MYCBPAP: variants seen among roughly 807,000 people sequenced by gnomAD.
MYCBPAP encodes MYCBP associated protein, also known as MYCBP-associated protein.
A neutral mutation model predicts 106.1 loss-of-function variants in MYCBPAP; 60 were observed. The ratio of observed to expected loss-of-function variants is 0.57; its 90% CI spans 0.46 to 0.70. The LOEUF is 0.70. MYCBPAP is among the 30% of genes least tolerant of loss of function. MYCBPAP has a pLI of 0.00. For synonymous variants in MYCBPAP, 407 were observed against 440.6 expected (o/e 0.92, Z 0.95); for missense variants, 1,064 against 1,169.3 (o/e 0.91, Z 1.31).
At chr17:50,529,851 T>C (rs2034578455) in intron 18 of MYCBPAP, 1 of 456,272 alleles carries the variant, frequency 2.2e-6, no homozygotes, top group Non-Finnish European at 4.4e-6. Flanking sequence ...CTAGAGAGAC[T>C]TCATCCTAAT....
rs1413351331 is a variant in MYCBPAP at position 50,518,671 on chromosome 17, A to G, written c.599A>G (p.Lys200Arg). The part of the protein sequence containing the change: ...WAPPPQHNFL[K>R]NWQRNTALRK... Reference sequence around the variant, plus strand: ...CCACCTCCTCAGCACAACTTTCTGAAAAACTGGCAGCGTAACACAGCCCTG... The same window carrying G: ...CCACCTCCTCAGCACAACTTTCTGAGAAACTGGCAGCGTAACACAGCCCTG... The change falls in exon 5 of 19, where the codon AAA (lysine) becomes AGA (arginine). Residue 200 changes from lysine to arginine, a missense_variant. By Grantham distance (26) the Lys-to-Arg change is conservative. Coordinates refer to ENST00000323776, the MANE Select transcript of MYCBPAP (RefSeq NM_032133.6). 1 of 1,606,920 alleles carries G rather than the reference A, an allele frequency of 6.2e-7. No homozygotes were observed. Among genetic ancestry groups the G allele is most frequent in the South Asian group, 1.1e-5 (1 of 90,186 alleles).
At chr17:50,508,956 G>T in intron 1 of MYCBPAP, 1 of 706,648 alleles carries the variant, frequency 1.4e-6, no homozygotes, top group Non-Finnish European at 2.6e-6. Flanking sequence ...TGGGGATGGG[G>T]ACATAGGAAG....
intron 1 of MYCBPAP, among the ~76,000 whole-genome samples, chr17:50,514,034 T>A (rs559722816): frequency 6.6e-6 from 1 of 152,358 alleles, no homozygotes; most frequent in East Asian, 1.9e-4. Context: ...ATAGGCTGAA[T>A]TTATTATTTT....
At position 50,519,172 on chromosome 17, in the gene MYCBPAP, C is replaced by T. The variant is rs190055038; in HGVS notation, c.768+83C>T. 839 of 1,008,506 alleles carry T rather than the reference C, an allele frequency of 8.3e-4. 6 individuals carry two copies. Among genetic ancestry groups the T allele is most frequent in the Non-Finnish European group, 1.9e-4 (126 of 672,960 alleles). 62.5% of individuals were successfully genotyped at this position (1,008,506 alleles called of 1,614,324 possible). On this transcript the variant is annotated intron_variant, in intron 6 of 18. Coordinates refer to ENST00000323776, the MANE Select transcript of MYCBPAP (RefSeq NM_032133.6). ...GGGCAGGTGTCTGGACACAGGGATGCTGGTCTCAGGTGGCACAGCTGGGGA... is the reference window on the plus strand; with the variant it reads ...GGGCAGGTGTCTGGACACAGGGATGTTGGTCTCAGGTGGCACAGCTGGGGA...
chr17:50,531,478 T>G lies in MYCBPAP; in HGVS notation c.*50T>G. The G allele has an allele frequency of 1.4e-6, 2 of 1,403,820 alleles. No individual in the cohort carries two copies. Among genetic ancestry groups the G allele is most frequent in the Non-Finnish European group, 2.0e-6 (2 of 1,019,622 alleles). The allele number at this position is 1,403,820 out of a possible 1,614,324, so 87.0% of individuals were successfully genotyped here. On this transcript the variant is annotated 3_prime_UTR_variant, in exon 19 of 19. Coordinates refer to ENST00000323776, the MANE Select transcript of MYCBPAP (RefSeq NM_032133.6). ...GAAAACGGGTTAATAAATAAATCAA[T>G]AAAGAACCTTCAAGTTTCTACTACT...
chr17:50,509,353 C>T (rs1400980337), intron 1 of MYCBPAP: 6 of 555,794 alleles, frequency 1.1e-5, no homozygotes, highest in Non-Finnish European at 1.9e-5. Context: ...TGGAAAGAAT[C>T]GCTAGATATG....
intron 6 of MYCBPAP, 32 bp from the exon 7 acceptor site, chr17:50,519,608 G>T (rs1282134399): frequency 1.9e-6 from 3 of 1,612,824 alleles, no homozygotes; most frequent in Non-Finnish European, 2.5e-6. Context: ...GAGGTGTCCT[G>T]GTAATCTGAC....
rs999890710 is a variant in MYCBPAP at position 50,528,178 on chromosome 17, T to C, written c.2315T>C (p.Ile772Thr). The C allele has an allele frequency of 2.5e-6, 4 of 1,614,194 alleles. No individual in the cohort carries two copies. The African/African-American group carries it at 4.0e-5, about 16-fold the overall frequency. Residue 772 changes from isoleucine (I) to threonine (T), a missense_variant, in exon 16 of 19, where the codon ATT becomes ACT. Ile to Thr is a moderately conservative substitution (Grantham distance 89). Transcript: ENST00000323776. ...AGTTTGCAGCTGTGGCGAGATGTGA[T>C]TGACAGCCTGGTGGGCCATTCCATG... ...QMCLQLWRDV[I>T]DSLVGHSMWL...
At chr17:50,516,732 A>G (rs1036903255) in intron 2 of MYCBPAP, 35 bp downstream of exon 2, 1 of 1,611,764 alleles carries the variant, frequency 6.2e-7, no homozygotes, top group Non-Finnish European at 8.5e-7. Context: ...TTACCATAGA[A>G]ACGTTTCCCT....
rs759967356 is a variant in MYCBPAP, at chr17:50,523,772, G to A, written c.1623G>A (p.Arg541=). 5.0e-6 allele frequency: 8 copies of A among 1,613,918 alleles called. 1 individual carries two copies. In the South Asian group the frequency reaches 5.5e-5, roughly 11 times the overall value. The change falls in exon 12 of 19, where the codon AGG becomes AGA. Residue 541 remains arginine, a synonymous_variant. Transcript: ENST00000323776. Reference sequence around the variant, plus strand: ...CCCAGGACGTTTTTGAGGATGAGAGGAAAGTACTGGAGGTAAGGGACCCAG... The same window carrying A: ...CCCAGGACGTTTTTGAGGATGAGAGAAAAGTACTGGAGGTAAGGGACCCAG... ...SLTQDVFEDE[R]KVLESKLTAH...
At chr17:50,522,709 A>AAAAAAAAAAAAAATATGTATATAT in intron 10 of MYCBPAP, 1 of 50,016 alleles carries the variant, frequency 2.0e-5, no homozygotes, top group South Asian at 7.8e-4. Flanking sequence ...AAAAAAAAAA[A>AAAAAAAAAAAAAATATGTATATAT]ATATATATAT....
Position 50,528,715 on chromosome 17 carries a change from A to G in MYCBPAP, c.2428A>G (p.Met810Val). Residue 810 changes from methionine to valine, a missense_variant, in exon 17 of 19, where the codon ATG (methionine) becomes GTG (valine). Transcript: ENST00000323776. ...CTTAGATCAAAAATCACCTCCTATC[A>G]TGGAAGTGAAGGTACCTGTGGGGAA... ...EEQDQKSPPIMEVKVPVGKAG... is the reference protein window; with the variant it reads ...EEQDQKSPPIVEVKVPVGKAG... The G allele has an allele frequency of 1.9e-6, 3 of 1,613,684 alleles. No individual in the cohort carries two copies. Among genetic ancestry groups the G allele is most frequent in the Non-Finnish European group, 2.5e-6 (3 of 1,179,866 alleles).
chr17:50,519,161 A>G, intron 6 of MYCBPAP, 72 bp downstream of exon 6: 2 of 1,096,276 alleles, frequency 1.8e-6, no homozygotes, highest in East Asian at 2.5e-5. Context: ...AGGTGTCTGG[A>G]CACAGGGATG....
In MYCBPAP at chr17:50,526,230, T is replaced by A. The variant is rs147274903; in HGVS notation, c.2132T>A (p.Leu711Gln). The change falls in exon 14 of 19, where the codon CTG becomes CAG. Residue 711 changes from leucine to glutamine, a missense_variant. Coordinates refer to ENST00000323776, the MANE Select transcript of MYCBPAP (RefSeq NM_032133.6). ...KSPWEPDGLP[L>Q]LEWNLCLEDF... ...CCCTGGGAGCCGGATGGCCTTCCCC[T>A]GCTGGAGTGGAACCTCTGCTTGGAG... 6 of 1,612,042 alleles carry A rather than the reference T, an allele frequency of 3.7e-6. No homozygotes were observed. The African/African-American group carries it at 8.0e-5, about 22-fold the overall frequency.
At chr17:50,525,348 T>A (rs2034422636) in intron 13 of MYCBPAP, among the ~76,000 whole-genome samples, 1 of 152,210 alleles carries the variant, frequency 6.6e-6, no homozygotes, top group Non-Finnish European at 1.5e-5. Context: ...CAGTCCCTGG[T>A]GCCAAAAAGG....
At chr17:50,507,962 CCCCAAG>C (rs2033677052), upstream of MYCBPAP, among the ~76,000 whole-genome samples, 1 of 152,196 alleles carries the variant, frequency 6.6e-6, no homozygotes, top group Non-Finnish European at 1.5e-5. Flanking sequence ...TGTGAGAATG[CCCCAAG>C]TCAGGGCAAA....
rs747090617 is a variant in MYCBPAP at position 50,525,082 on chromosome 17, C to G, written c.1782+59C>G. On this transcript the variant is annotated intron_variant, in intron 13 of 18. Transcript: ENST00000323776. ...TGTGCCCTGCGTCAAGGGTCCCCAA[C>G]CCGCAGGCCGCACAGCGGCAGGTGA... 27 of 1,559,980 alleles carry G rather than the reference C, an allele frequency of 1.7e-5. No individual in the cohort carries two copies. The African/African-American group carries it at 3.3e-4, about 19-fold the overall frequency.
intron 18 of MYCBPAP, chr17:50,529,492 G>C: frequency 2.6e-6 from 1 of 391,994 alleles, no homozygotes; most frequent in Non-Finnish European, 4.9e-6. Flanking sequence ...CCAGTAAAGA[G>C]TGCTCCAGGC....
At position 50,517,364 on chromosome 17, in the gene MYCBPAP, C is replaced by A; in HGVS notation, c.276C>A (p.Leu92=). ...CCCAGAAATTTATCATCCGTAAACT[C>A]AAACCCATGGATCCTAGGAGGAAGG... The part of the protein sequence containing the change: ...VITQKFIIRK[L]KPMDPRRKVC... The change falls in exon 3 of 19, where the codon CTC becomes CTA. Residue 92 remains leucine (L), a synonymous_variant. Coordinates refer to ENST00000323776, the MANE Select transcript of MYCBPAP (RefSeq NM_032133.6). 1 of 1,614,196 alleles carries A rather than the reference C, an allele frequency of 6.2e-7. No homozygotes were observed. Among genetic ancestry groups the A allele is most frequent in the Non-Finnish European group, 8.5e-7 (1 of 1,180,030 alleles).
Sources: allele counts gnomAD v4.1 joint callset (sites outside exome capture counted in the v4.1 genomes callset), GRCh38; gene constraint gnomAD v4.1.1; transcripts MANE v1.5; gene names NCBI Gene and HGNC (gene_info 2026-07-23, HGNC 2026-07-21).